MSH6: variants seen among roughly 807,000 people sequenced by gnomAD.
MSH6 encodes the protein DNA mismatch repair protein Msh6.
In MSH6, 85 loss-of-function variants were observed where a neutral mutation model predicts 119.1. The ratio of observed to expected loss-of-function variants is 0.71; its 90% CI spans 0.60 to 0.85. The LOEUF is 0.85. Ranked by LOEUF, MSH6 falls within the 40% of genes least tolerant of loss-of-function variation. The pLI is 0.00. For synonymous variants in MSH6, 830 were observed against 586.9 expected, an observed-to-expected ratio of 1.41 and a Z score of -5.99; for missense variants, 2,163 against 1,655.3, an observed-to-expected ratio of 1.31 and a Z score of -5.32.
At chr2:47,789,114 C>A (rs538421712) in intron 1 of MSH6, among the ~76,000 whole-genome samples, 2 of 146,098 alleles carry the variant, frequency 1.4e-5, no homozygotes, top group South Asian at 4.4e-4. Flanking sequence ...TTGGTAGAGA[C>A]GGGGTTTCAC....
At chr2:47,808,034 G>C (rs757580075), downstream of MSH6, 42 of 1,240,266 alleles carry the variant, frequency 3.4e-5, no homozygotes, top group Non-Finnish European at 4.5e-5. Context: ...CCTGTAGCAT[G>C]GGCAAATATT....
Position 47,794,064 on chromosome 2 carries a change from GC to G in MSH6, c.458-1829del, listed in dbSNP as rs869047357. On this transcript the variant is annotated intron_variant, in intron 2 of 9. Transcript: ENST00000234420. ...TTTAAAAAGAGATCAGTAAGGCCAG[GC>G]AGTGGTGGCTCACGCCTGTAATCCC... is the stretch of plus-strand genomic sequence containing the variant. Among the ~76,000 whole-genome samples the G allele has an allele frequency of 0.019, 3 of 156 alleles. No individual in the cohort carries two copies. In the South Asian group the frequency reaches 0.21, roughly 11 times the overall value. The allele number at this position is 156 out of a possible 152,430, so 0.1% of individuals were successfully genotyped here. A position where few individuals can be genotyped will look rare whatever the true frequency, so the allele number is the denominator to read the frequency against.
At chr2:47,791,705 G>A (rs1668739992) in intron 2 of MSH6, among the ~76,000 whole-genome samples, 1 of 143,044 alleles carries the variant, frequency 7.0e-6, no homozygotes, top group African/African-American at 2.6e-5. Context: ...TGGAGACAGA[G>A]TCTCACTCTG....
rs63749889 is a variant in MSH6 at position 47,800,685 on chromosome 2, G to A, written c.2702G>A (p.Arg901His). ...CTGCAGACAAAAAATCCTGAAGGTCGTTTTCCTGATTTGACTGTAGAATTG... is the reference window on the plus strand; with the variant it reads ...CTGCAGACAAAAAATCCTGAAGGTCATTTTCCTGATTTGACTGTAGAATTG... ...ISLQTKNPEG[R>H]FPDLTVELNR... The change falls in exon 4 of 10, where the codon CGT becomes CAT. Residue 901 changes from arginine (R) to histidine (H), a missense_variant. Arg to His is a conservative substitution (Grantham distance 29). Transcript: ENST00000234420. 1.1e-5 allele frequency: 17 copies of A among 1,614,014 alleles called. No individual in the cohort carries two copies. The highest frequency in any genetic ancestry group is 4.5e-5 in the East Asian group (2 of 44,890).
chr2:47,801,441 T>C, intron 4 of MSH6: 2 of 336,656 alleles, frequency 5.9e-6, no homozygotes, highest in East Asian at 1.3e-4. Context: ...CAACCATGGC[T>C]ACTGCAGCCT....
intron 2 of MSH6, among the ~76,000 whole-genome samples, chr2:47,791,678 T>TC (rs1431648501): frequency 4.0e-5 from 6 of 149,242 alleles, no homozygotes; most frequent in Admixed American, 6.7e-5. Context: ...TTTCTTTCTT[T>TC]TTTTTTTTTT....
rs577713548 is a variant in MSH6, at chr2:47,799,440, C to A, written c.1457C>A (p.Thr486Asn). The A allele has an allele frequency of 6.2e-7, 1 of 1,614,120 alleles. No individual in the cohort carries two copies. Among genetic ancestry groups the A allele is most frequent in the Non-Finnish European group, 8.5e-7 (1 of 1,180,036 alleles). ...KGYKVARVEQTETPEMMEARC... is the reference protein window; with the variant it reads ...KGYKVARVEQNETPEMMEARC... ...TATAAAGTAGCACGAGTGGAACAGACTGAGACTCCAGAAATGATGGAGGCA... is the reference window on the plus strand; with the variant it reads ...TATAAAGTAGCACGAGTGGAACAGAATGAGACTCCAGAAATGATGGAGGCA... Residue 486 changes from threonine to asparagine, a missense_variant, in exon 4 of 10, where the codon ACT (threonine) becomes AAT (asparagine). Physicochemically the swap from Thr to Asn is moderately conservative, Grantham distance 65. Transcript: ENST00000234420.
chr2:47,801,249 T>TG, intron 4 of MSH6, 94 bp downstream of exon 4: 1 of 1,353,268 alleles, frequency 7.4e-7, no homozygotes, highest in Non-Finnish European at 1.0e-6. Context: ...AAGGTATATA[T>TG]GGTACATATT....
chr2:47,808,462 CAT>C (rs770753002), downstream of MSH6: 22 of 1,528,052 alleles, frequency 1.4e-5, no homozygotes, highest in African/African-American at 4.2e-5. Flanking sequence ...TTTTCTCAAA[CAT>C]GTCATTAATG....
intron 1 of MSH6, among the ~76,000 whole-genome samples, chr2:47,785,759 T>G (rs1341050791): frequency 6.6e-6 from 1 of 152,228 alleles, no homozygotes; most frequent in Non-Finnish European, 1.5e-5. Context: ...TACTTGAGCA[T>G]GAATTGATTG....
At chr2:47,802,723 T>C (rs1020038432) in intron 4 of MSH6, among the ~76,000 whole-genome samples, 2 of 151,288 alleles carry the variant, frequency 1.3e-5, no homozygotes, top group African/African-American at 4.9e-5. Context: ...TGAACGCAAG[T>C]ATCTAATGGA....
At position 47,805,601 on chromosome 2, in the gene MSH6, AT is replaced by A. The variant is rs267608102; in HGVS notation, c.3557-4del. On this transcript the variant is annotated splice_polypyrimidine_tract_variant and intron_variant, in intron 6 of 9. Transcript: ENST00000234420. ...TTTGCAAAATGAGTATTCATTTGTG[AT>A]TTTTTTTTTTTTAAGGTGAAAGTAC... 0.079 allele frequency: 92,972 copies of A among 1,178,800 alleles called. 251 individuals are homozygous for A. Among genetic ancestry groups the A allele is most frequent in the African/African-American group, 0.14 (9,076 of 64,486 alleles). 73.0% of individuals were successfully genotyped at this position (1,178,800 alleles called of 1,614,324 possible).
chr2:47,785,881 A>C (rs541697598), intron 1 of MSH6, among the ~76,000 whole-genome samples: 25 of 152,326 alleles, frequency 1.6e-4, no homozygotes, highest in African/African-American at 6.0e-4. Context: ...TGTAAAAATA[A>C]AACGTATACA....
At chr2:47,808,299 G>A (rs1002679606), downstream of MSH6, 6 of 1,612,252 alleles carry the variant, frequency 3.7e-6, no homozygotes, top group East Asian at 2.2e-5. Context: ...AAAGTAATTG[G>A]GTAATATATC....
At position 47,803,575 on chromosome 2, in the gene MSH6, C is replaced by A. The variant is rs374070511; in HGVS notation, c.3328C>A (p.Pro1110Thr). ...GACTTTTTTTGGAGATGATTTTATT[C>A]CTAATGACATTCTAATAGGCTGTGA... is the stretch of plus-strand genomic sequence containing the variant. ...TKTFFGDDFI[P>T]NDILIGCEEE... The change falls in exon 5 of 10, where the codon CCT (proline) becomes ACT (threonine). Residue 1110 changes from proline (P) to threonine (T), a missense_variant. Transcript: ENST00000234420. The A allele has an allele frequency of 3.7e-6, 6 of 1,613,954 alleles. No individual in the cohort carries two copies. The highest frequency in any genetic ancestry group is 5.1e-6 in the Non-Finnish European group (6 of 1,180,022).
Position 47,803,507 on chromosome 2 carries a change from C to T in MSH6, c.3260C>T (p.Pro1087Leu), listed in dbSNP as rs63750753. The T allele has an allele frequency of 6.8e-6, 11 of 1,614,146 alleles. No individual in the cohort carries two copies. The highest frequency in any genetic ancestry group is 2.7e-5 in the African/African-American group (2 of 75,020). The change falls in exon 5 of 10, where the codon CCC (proline) becomes CTC (leucine). Residue 1087 changes from proline to leucine, a missense_variant. Transcript: ENST00000234420. ...PVILLPEDTP[P>L]FLELKGSRHP... ...ATTCTGTTGCCGGAAGATACCCCCCCCTTCTTAGAGCTTAAAGGATCACGC... is the reference window on the plus strand; with the variant it reads ...ATTCTGTTGCCGGAAGATACCCCCCTCTTCTTAGAGCTTAAAGGATCACGC...
At chr2:47,790,109 G>A (rs1668636970) in intron 1 of MSH6, among the ~76,000 whole-genome samples, 2 of 152,158 alleles carry the variant, frequency 1.3e-5, no homozygotes, top group Admixed American at 6.6e-5. Flanking sequence ...CAACTAGAAT[G>A]CTTAACTTGT....
intron 4 of MSH6, among the ~76,000 whole-genome samples, chr2:47,802,902 CTGTTTTGTGTT>C (rs1669686761): frequency 1.3e-5 from 2 of 151,932 alleles, no homozygotes; most frequent in Admixed American, 1.3e-4. Flanking sequence ...CATGTTTCTG[CTGTTTTGTGTT>C]TGTTTTGTTT....
intron 7 of MSH6, 40 bp downstream of exon 7, chr2:47,805,747 A>G: frequency 1.5e-6 from 2 of 1,344,828 alleles, no homozygotes; most frequent in South Asian, 1.2e-5. Flanking sequence ...TATCTATCTT[A>G]AAAACATTTG....
Sources: allele counts gnomAD v4.1 joint callset (sites outside exome capture counted in the v4.1 genomes callset), GRCh38; gene constraint gnomAD v4.1.1; transcripts MANE v1.5; gene names NCBI Gene and HGNC (gene_info 2026-07-23, HGNC 2026-07-21).